DSCAM: variants seen among roughly 807,000 people sequenced by gnomAD.
DSCAM encodes the protein DS cell adhesion molecule.
DSCAM carries 47 observed loss-of-function variants against 217.7 expected under a neutral mutation model. That is an observed-to-expected ratio of 0.22 (90% CI 0.17 to 0.28). DSCAM has a LOEUF of 0.28. Among genes scored for constraint, DSCAM ranks in the 10% least tolerant of loss-of-function variants. The pLI is 1.00. For missense variants in DSCAM, 2,080 were observed against 2,618.3 expected (o/e 0.79, Z 4.49); for synonymous variants, 1,056 against 1,015.3 (o/e 1.04, Z -0.76).
At chr21:40,122,713 CTGACTATTTACGTTTACATAT>C (rs1386813833) in intron 20 of DSCAM, among the ~76,000 whole-genome samples, 1 of 152,148 alleles carries the variant, frequency 6.6e-6, no homozygotes, top group Non-Finnish European at 1.5e-5. Context: ...GAGTCTAACT[CTGACTATTTACGTTTACATAT>C]TGACTTCAAG....
intron 3 of DSCAM, among the ~76,000 whole-genome samples, chr21:40,391,846 G>T (rs897219928): frequency 8.5e-5 from 13 of 152,210 alleles, no homozygotes; most frequent in African/African-American, 2.9e-4. Flanking sequence ...GACACAATTT[G>T]CACAGACTAG....
intron 4 of DSCAM, among the ~76,000 whole-genome samples, chr21:40,359,274 G>A (rs1292178915): frequency 6.6e-6 from 1 of 152,186 alleles, no homozygotes; most frequent in Admixed American, 6.5e-5. Context: ...AAATGCTTAA[G>A]AATGCCCCCT....
At chr21:40,666,979 C>A (rs528051258) in intron 3 of DSCAM, among the ~76,000 whole-genome samples, 1 of 152,326 alleles carries the variant, frequency 6.6e-6, no homozygotes, top group South Asian at 2.1e-4. Context: ...CCTCACCAAG[C>A]TCCTAGAGAA....
chr21:40,240,049 G>T (rs2146939623), intron 11 of DSCAM, among the ~76,000 whole-genome samples: 1 of 152,262 alleles, frequency 6.6e-6, no homozygotes, highest in Non-Finnish European at 1.5e-5. Flanking sequence ...CAGAGATCTT[G>T]TTGGAACACA....
chr21:40,294,234 C>T (rs2073928510), intron 10 of DSCAM, among the ~76,000 whole-genome samples: 1 of 152,110 alleles, frequency 6.6e-6, no homozygotes, highest in Admixed American at 6.5e-5. Context: ...TATGTAGAAA[C>T]ACTTCCAAAT....
rs187826989 is a variant in DSCAM, at chr21:40,438,380, G to A, written c.509-69135C>T. On this transcript the variant is annotated intron_variant, in intron 3 of 32. Coordinates refer to ENST00000400454, the MANE Select transcript of DSCAM (RefSeq NM_001389.5). ...CTAGAACAGTTCCTGATATACAGTA[G>A]GCTTTCAAACAATGATTGGGTTGAT... Among the ~76,000 whole-genome samples, 525 of 152,264 alleles carry A rather than the reference G, an allele frequency of 3.4e-3. 3 individuals carry two copies. The highest frequency in any genetic ancestry group is 0.012 in the African/African-American group (495 of 41,562).
intron 3 of DSCAM, among the ~76,000 whole-genome samples, chr21:40,625,702 G>T (rs1300535859): frequency 6.6e-6 from 1 of 152,142 alleles, no homozygotes; most frequent in Non-Finnish European, 1.5e-5. Context: ...CACCACGACA[G>T]CTTATTCTCT....
At chr21:40,697,340 G>A (rs1001156775) in intron 2 of DSCAM, among the ~76,000 whole-genome samples, 5 of 152,162 alleles carry the variant, frequency 3.3e-5, no homozygotes, top group Non-Finnish European at 7.4e-5. Flanking sequence ...TCTGCTTGAT[G>A]TAATCCTATT....
At chr21:40,546,823 A>C (rs562417043) in intron 3 of DSCAM, among the ~76,000 whole-genome samples, 1 of 152,292 alleles carries the variant, frequency 6.6e-6, no homozygotes, top group South Asian at 2.1e-4. Flanking sequence ...GAAAAAGAGA[A>C]GCTCAGGTCT....
intron 3 of DSCAM, among the ~76,000 whole-genome samples, chr21:40,563,712 T>C (rs1259766308): frequency 7.3e-6 from 1 of 137,450 alleles, no homozygotes; most frequent in Non-Finnish European, 1.6e-5. Flanking sequence ...GTGTATATAG[T>C]TATGTTTATA....
chr21:40,599,505 C>G (rs1418768948), intron 3 of DSCAM, among the ~76,000 whole-genome samples: 1 of 151,966 alleles, frequency 6.6e-6, no homozygotes, highest in Non-Finnish European at 1.5e-5. Context: ...CATCAGAAAG[C>G]CAGAAAGATC....
At chr21:40,593,176 T>A (rs917193784) in intron 3 of DSCAM, among the ~76,000 whole-genome samples, 12 of 152,136 alleles carry the variant, frequency 7.9e-5, no homozygotes, top group East Asian at 5.8e-4. Flanking sequence ...AAGGATTTTT[T>A]AATTTTTTTT....
intron 3 of DSCAM, among the ~76,000 whole-genome samples, chr21:40,534,961 G>A (rs1216167203): frequency 1.3e-5 from 2 of 152,056 alleles, no homozygotes; most frequent in Non-Finnish European, 2.9e-5. Context: ...TTCCAGCTTG[G>A]GGCAAGAGGA....
intron 27 of DSCAM, among the ~76,000 whole-genome samples, chr21:40,070,425 GAGAA>G (rs754858188): frequency 3.3e-4 from 50 of 151,954 alleles, no homozygotes; most frequent in South Asian, 8.3e-4. Context: ...GAAAAAGAAA[GAGAA>G]AGAAAGACAA....
intron 3 of DSCAM, among the ~76,000 whole-genome samples, chr21:40,501,216 G>A (rs2076168084): frequency 6.6e-6 from 1 of 152,060 alleles, no homozygotes; most frequent in Non-Finnish European, 1.5e-5. Flanking sequence ...ATTATGTTTT[G>A]TTTATCAGGA....
chr21:40,437,638 G>T (rs549136989), intron 3 of DSCAM, among the ~76,000 whole-genome samples: 14 of 152,194 alleles, frequency 9.2e-5, no homozygotes, highest in African/African-American at 2.6e-4. Context: ...ATCACTCGAG[G>T]TTGGGAGTTC....
intron 1 of DSCAM, among the ~76,000 whole-genome samples, chr21:40,798,541 T>A (rs1327532318): frequency 6.6e-6 from 1 of 152,074 alleles, no homozygotes; most frequent in Non-Finnish European, 1.5e-5. Flanking sequence ...AGCACATGAA[T>A]TGGCAATAAT....
chr21:40,094,904 T>C (rs981241715), intron 20 of DSCAM, among the ~76,000 whole-genome samples: 1 of 152,194 alleles, frequency 6.6e-6, no homozygotes, highest in Non-Finnish European at 1.5e-5. Flanking sequence ...CCTACTAAAA[T>C]ATTTCCACAA....
intron 26 of DSCAM, among the ~76,000 whole-genome samples, chr21:40,077,329 G>A (rs555614059): frequency 1.3e-3 from 201 of 152,306 alleles, no homozygotes; most frequent in African/African-American, 4.0e-3. Context: ...AATGACCTTG[G>A]ACAGGAGATT....
Sources: allele counts gnomAD v4.1 joint callset (sites outside exome capture counted in the v4.1 genomes callset), GRCh38; gene constraint gnomAD v4.1.1; transcripts MANE v1.5; gene names NCBI Gene and HGNC (gene_info 2026-07-23, HGNC 2026-07-21).